CUX1: variants seen among roughly 807,000 people sequenced by gnomAD.
CUX1 encodes the protein cut like homeobox 1.
Under a neutral mutation model 158.8 loss-of-function variants are expected in CUX1, and 31 were observed. That is an observed-to-expected ratio of 0.20 (90% CI 0.15 to 0.26). The LOEUF is 0.26. CUX1 is among the 10% of genes least tolerant of loss of function. The pLI is 1.00. For synonymous variants in CUX1, 879 were observed against 862.1 expected, an observed-to-expected ratio of 1.02 and a Z score of -0.34; for missense variants, 1,589 against 2,014.6, an observed-to-expected ratio of 0.79 and a Z score of 4.04.
intron 2 of CUX1, among the ~76,000 whole-genome samples, chr7:102,017,358 C>T (rs1398278387): frequency 4.0e-5 from 6 of 151,708 alleles, no homozygotes; most frequent in African/African-American, 1.2e-4. Context: ...ATTCAGTCCA[C>T]AAGTATTCAC....
chr7:101,848,912 ATT>A lies in CUX1; in HGVS notation c.30+31256_30+31257del, dbSNP rs11364752. 4.3e-3 allele frequency among the ~76,000 whole-genome samples: 633 copies of A among 146,304 alleles called. 3 individuals are homozygous for A. The highest frequency in any genetic ancestry group is 0.012 in the African/African-American group (471 of 39,878). The stretch of plus-strand genomic sequence containing the variant: ...AGACTAACTGAACACTTGCAAGGCA[ATT>A]TTTTTTTTTTTTGACTGTCTGGAGA... On this transcript the variant is annotated intron_variant, in intron 1 of 23. Coordinates refer to ENST00000292535, the MANE Select transcript of CUX1 (RefSeq NM_181552.4).
At chr7:102,154,377 A>C (rs1346997872) in intron 8 of CUX1, 3 of 152,164 alleles carry the variant, frequency 2.0e-5, no homozygotes, top group Non-Finnish European at 2.9e-5. Flanking sequence ...TGGGAGGCTG[A>C]GGTGGGAGGA....
chr7:102,261,704 G>A (rs183403341), downstream of CUX1, among the ~76,000 whole-genome samples: 2 of 152,188 alleles, frequency 1.3e-5, no homozygotes, highest in East Asian at 1.9e-4. Flanking sequence ...TCCCAGCAGC[G>A]TCTCTTAGTG....
At chr7:102,019,130 GC>G (rs1050151814) in intron 2 of CUX1, among the ~76,000 whole-genome samples, 3 of 152,086 alleles carry the variant, frequency 2.0e-5, no homozygotes, top group Non-Finnish European at 4.4e-5. Context: ...ACCATCCTCA[GC>G]CTTTATCCTC....
At chr7:102,001,219 G>T (rs1300888007) in intron 2 of CUX1, among the ~76,000 whole-genome samples, 1 of 152,094 alleles carries the variant, frequency 6.6e-6, no homozygotes, top group African/African-American at 2.4e-5. Flanking sequence ...GGCCTGCCAG[G>T]AGCATTCTTG....
At chr7:102,079,345 C>G (rs558765458) in intron 4 of CUX1, among the ~76,000 whole-genome samples, 1 of 151,760 alleles carries the variant, frequency 6.6e-6, no homozygotes, top group Admixed American at 6.6e-5. Flanking sequence ...TGCTGAGTCA[C>G]GAGAATCGCT....
At chr7:102,102,575 C>T (rs1829897196) in intron 5 of CUX1, among the ~76,000 whole-genome samples, 1 of 152,120 alleles carries the variant, frequency 6.6e-6, no homozygotes, top group African/African-American at 2.4e-5. Context: ...CTGGCAGGTG[C>T]CCTTGCTGCA....
At chr7:102,270,783 G>A (rs889564393) in intron 14 of CUX1, among the ~76,000 whole-genome samples, 13 of 152,208 alleles carry the variant, frequency 8.5e-5, no homozygotes, top group Admixed American at 3.3e-4. Context: ...CCAGGATAGC[G>A]GGCCACCAGC....
chr7:102,267,956 T>C (rs960692303), intron 14 of CUX1, among the ~76,000 whole-genome samples: 1 of 152,152 alleles, frequency 6.6e-6, no homozygotes, highest in Non-Finnish European at 1.5e-5. Flanking sequence ...CGTGAGCCAC[T>C]GCACCGGGCC....
intron 1 of CUX1, among the ~76,000 whole-genome samples, chr7:101,838,088 T>C (rs546888762): frequency 2.6e-5 from 4 of 151,998 alleles, no homozygotes; most frequent in East Asian, 1.9e-4. Context: ...AGTGTGGCAC[T>C]GTGCCCTAAA....
intron 1 of CUX1, among the ~76,000 whole-genome samples, chr7:101,859,118 T>C (rs1049037171): frequency 3.3e-5 from 5 of 152,200 alleles, no homozygotes; most frequent in Admixed American, 6.5e-5. Flanking sequence ...TATAGTTTTG[T>C]TTATGCCCTT....
At chr7:101,891,843 A>G (rs543667033) in intron 1 of CUX1, among the ~76,000 whole-genome samples, 142 of 152,328 alleles carry the variant, frequency 9.3e-4, no homozygotes, top group Middle Eastern at 6.8e-3. Flanking sequence ...TTAAAAACCA[A>G]TTGGAATGGG....
intron 20 of CUX1, among the ~76,000 whole-genome samples, chr7:102,225,903 T>G (rs1798302975): frequency 6.6e-6 from 1 of 152,244 alleles, no homozygotes; most frequent in Non-Finnish European, 1.5e-5. Flanking sequence ...GGTCTTACTC[T>G]GTGTCACCCT....
chr7:101,915,415 TC>T (rs1804072474), intron 1 of CUX1, among the ~76,000 whole-genome samples: 1 of 152,154 alleles, frequency 6.6e-6, no homozygotes, highest in Non-Finnish European at 1.5e-5. Flanking sequence ...TCCTCAGCGT[TC>T]CCGCGCAAGT....
chr7:101,855,877 C>CA (rs10654821), intron 1 of CUX1, among the ~76,000 whole-genome samples: 46,435 of 110,940 alleles, frequency 0.42, 10,551 homozygotes, highest in East Asian at 0.54. Flanking sequence ...GTTTCCAGCT[C>CA]AAAAAAAAAA....
chr7:102,158,218 T>G lies in CUX1; in HGVS notation c.675-342T>G, dbSNP rs1790001701. 2.6e-5 allele frequency among the ~76,000 whole-genome samples: 4 copies of G among 152,068 alleles called. No individual in the cohort carries two copies. In the South Asian group the frequency reaches 8.3e-4, roughly 32 times the overall value. On this transcript the variant is annotated intron_variant, in intron 8 of 23. Coordinates refer to ENST00000292535, the MANE Select transcript of CUX1 (RefSeq NM_181552.4). ...ATTCCCTCCCACAAAGAGAATTTAT[T>G]TCTCCCTCTTTTTTTCAGAGCACTC...
chr7:101,850,692 T>C (rs1188261983), intron 1 of CUX1, among the ~76,000 whole-genome samples: 1 of 152,184 alleles, frequency 6.6e-6, no homozygotes, highest in East Asian at 1.9e-4. Flanking sequence ...CCCCTGGTTT[T>C]CTAAGTAGCA....
At chr7:101,877,515 C>T (rs907093493) in intron 1 of CUX1, among the ~76,000 whole-genome samples, 1 of 152,130 alleles carries the variant, frequency 6.6e-6, no homozygotes, top group Non-Finnish European at 1.5e-5. Context: ...GGCAAAACCC[C>T]GTCTCTACTA....
intron 2 of CUX1, among the ~76,000 whole-genome samples, chr7:101,924,310 G>A (rs1405220156): frequency 2.0e-5 from 3 of 152,014 alleles, no homozygotes; most frequent in African/African-American, 7.3e-5. Context: ...TCACTGCCTC[G>A]ACAGCCTTTA....
Sources: gnomAD v4.1 joint callset for allele counts (sites outside exome capture counted in the v4.1 genomes callset) on GRCh38, gnomAD v4.1.1 for gene constraint, MANE v1.5 for transcripts, NCBI Gene and HGNC (gene_info 2026-07-23, HGNC 2026-07-21) for gene names.